ALDH1A2: variants seen among roughly 807,000 people sequenced by gnomAD.
ALDH1A2 encodes aldehyde dehydrogenase 1 family member A2, also known as retinal dehydrogenase 2.
In ALDH1A2, 27 loss-of-function variants were observed where a neutral mutation model predicts 60.3. That is an observed-to-expected ratio of 0.45 (90% confidence interval 0.33 to 0.62). The LOEUF is 0.62. Among genes scored for constraint, ALDH1A2 ranks in the 20% least tolerant of loss-of-function variants. ALDH1A2 has a pLI of 0.02. For missense variants in ALDH1A2, 581 were observed against 643.8 expected, an observed-to-expected ratio of 0.90 and a Z score of 1.06; for synonymous variants, 289 against 232.4, an observed-to-expected ratio of 1.24 and a Z score of -2.21.
Position 57,954,498 on chromosome 15 carries a change from A to C in ALDH1A2, c.*699T>G, listed in dbSNP as rs4646643. On this transcript the variant is annotated 3_prime_UTR_variant, in exon 13 of 13. Coordinates refer to ENST00000249750, the MANE Select transcript of ALDH1A2 (RefSeq NM_003888.4). ...CAAGCTCAGAAGCGGTGAACTGCAC[A>C]TGATGACTTCCAGTCTCTATTGTCC... 6.5e-6 allele frequency: 1 copy of C among 154,622 alleles called. No individual in the cohort carries two copies. 9.6% of individuals were successfully genotyped at this position (154,622 alleles called of 1,614,324 possible).
chr15:58,065,248 C>T (rs1897146950), intron 1 of ALDH1A2: 2 of 442,086 alleles, frequency 4.5e-6, no homozygotes, highest in Non-Finnish European at 8.3e-6. Flanking sequence ...CCGGGAGAAT[C>T]GGACAGAAAC....
rs1308752092 is a variant in ALDH1A2, at chr15:58,028,402, A to C, written c.118-14121T>G. 1.3e-5 allele frequency among the ~76,000 whole-genome samples: 2 copies of C among 152,234 alleles called. 1 individual carries two copies. Among genetic ancestry groups the C allele is most frequent in the African/African-American group, 4.8e-5 (2 of 41,474 alleles). ...CCTTACAAGAGCTCCTGAAAGAAGC[A>C]CTAAACATGGAAAGGAACAACTGGT... is the stretch of plus-strand genomic sequence containing the variant. On this transcript the variant is annotated intron_variant, in intron 1 of 12. Coordinates refer to ENST00000249750, the MANE Select transcript of ALDH1A2 (RefSeq NM_003888.4).
At chr15:58,041,005 T>C (rs1313363369) in intron 1 of ALDH1A2, among the ~76,000 whole-genome samples, 1 of 151,898 alleles carries the variant, frequency 6.6e-6, no homozygotes, top group Non-Finnish European at 1.5e-5. Context: ...CAGTCCTAGA[T>C]ACTAGTATGT....
chr15:58,008,555 TAAAAGA>T (rs1365991876), intron 4 of ALDH1A2, among the ~76,000 whole-genome samples: 1 of 152,106 alleles, frequency 6.6e-6, no homozygotes, highest in Non-Finnish European at 1.5e-5. Flanking sequence ...CCTGAGGAAG[TAAAAGA>T]AAACCAAGGT....
intron 12 of ALDH1A2, among the ~76,000 whole-genome samples, chr15:57,956,230 G>A (rs1268898565): frequency 6.6e-6 from 1 of 152,226 alleles, no homozygotes; most frequent in African/African-American, 2.4e-5. Flanking sequence ...AGGAGGGAAG[G>A]AGGAAGGGCG....
At chr15:58,065,375 C>G in intron 1 of ALDH1A2, 159 bp downstream of exon 1, 9 of 752,080 alleles carry the variant, frequency 1.2e-5, no homozygotes, top group South Asian at 8.6e-5. Context: ...CGCCCCAGTC[C>G]CGAAGACAGG....
chr15:58,039,578 T>C (rs1896462781), intron 1 of ALDH1A2, among the ~76,000 whole-genome samples: 1 of 151,816 alleles, frequency 6.6e-6, no homozygotes, highest in Admixed American at 6.6e-5. Context: ...GCATTAAGCA[T>C]ATATATTTAA....
At chr15:57,991,659 TTAA>T (rs1163262552) in intron 7 of ALDH1A2, 2 of 152,244 alleles carry the variant, frequency 1.3e-5, no homozygotes, top group Admixed American at 6.5e-5. Flanking sequence ...AAATATTGTA[TTAA>T]TAACTTATAG....
At chr15:58,035,420 T>C (rs1270208210) in intron 1 of ALDH1A2, among the ~76,000 whole-genome samples, 1 of 151,240 alleles carries the variant, frequency 6.6e-6, no homozygotes, top group Non-Finnish European at 1.5e-5. Flanking sequence ...ATTGTCTTTA[T>C]TGTTTTCATT....
chr15:58,046,857 G>C (rs1896651490), intron 1 of ALDH1A2, among the ~76,000 whole-genome samples: 1 of 151,986 alleles, frequency 6.6e-6, no homozygotes, highest in Non-Finnish European at 1.5e-5. Context: ...AAGTAGTGGG[G>C]CTGGGATAAG....
intron 6 of ALDH1A2, 23 bp downstream of exon 6, chr15:57,992,922 C>T (rs757560541): frequency 2.5e-6 from 4 of 1,613,916 alleles, no homozygotes; most frequent in Non-Finnish European, 3.4e-6. Flanking sequence ...GTCAGAAGCA[C>T]TCCCGAAGTC....
At chr15:58,013,175 G>A (rs368931116) in intron 3 of ALDH1A2, among the ~76,000 whole-genome samples, 172 of 152,262 alleles carry the variant, frequency 1.1e-3, no homozygotes, top group African/African-American at 3.7e-3. Context: ...TGAGAGGTCC[G>A]TACCATCCCC....
At chr15:58,055,104 T>C (rs1205659066) in intron 1 of ALDH1A2, among the ~76,000 whole-genome samples, 1 of 152,098 alleles carries the variant, frequency 6.6e-6, no homozygotes. Context: ...GTATTGTCTT[T>C]GTAGTGGTTA....
Position 58,065,624 on chromosome 15 carries a change from G to T in ALDH1A2, c.27C>A (p.Pro9=). 6.2e-7 allele frequency: 1 copy of T among 1,606,132 alleles called. No individual in the cohort carries two copies. The highest frequency in any genetic ancestry group is 2.2e-5 in the East Asian group (1 of 44,718). MTSSKIEM[P]GEVKADPAAL... ...CGGCGGGGTCGGCCTTCACCTCGCC[G>T]GGCATCTCTATCTTGCTGGAAGTCA... Residue 9 remains proline (P), a synonymous_variant, in exon 1 of 13, where the codon CCC becomes CCA. Coordinates refer to ENST00000249750, the MANE Select transcript of ALDH1A2 (RefSeq NM_003888.4).
At chr15:57,958,526 G>A (rs1186743084) in intron 12 of ALDH1A2, among the ~76,000 whole-genome samples, 1 of 152,182 alleles carries the variant, frequency 6.6e-6, no homozygotes, top group Non-Finnish European at 1.5e-5. Context: ...GGGAGACCTC[G>A]TGGGCTAGGT....
At chr15:57,963,123 T>G (rs1430475445) in intron 9 of ALDH1A2, among the ~76,000 whole-genome samples, 2 of 152,116 alleles carry the variant, frequency 1.3e-5, no homozygotes, top group African/African-American at 4.8e-5. Flanking sequence ...CTGTCCAGAC[T>G]GGTTCAGGCT....
intron 1 of ALDH1A2, among the ~76,000 whole-genome samples, chr15:58,051,765 A>G (rs1161637803): frequency 6.6e-6 from 1 of 152,136 alleles, no homozygotes; most frequent in Non-Finnish European, 1.5e-5. Context: ...GAAGAACTCC[A>G]GATCTCTTAG....
At chr15:57,956,785 A>G (rs1452170660) in intron 12 of ALDH1A2, among the ~76,000 whole-genome samples, 2 of 151,998 alleles carry the variant, frequency 1.3e-5, no homozygotes, top group Non-Finnish European at 2.9e-5. Context: ...TTTGAAGTGA[A>G]TTTACTCCTT....
intron 4 of ALDH1A2, among the ~76,000 whole-genome samples, chr15:58,007,650 C>G (rs1393061121): frequency 2.6e-5 from 4 of 151,992 alleles, no homozygotes; most frequent in Admixed American, 2.6e-4. Flanking sequence ...ATATTTTATA[C>G]TTTTAAATTC....
Sources: allele counts gnomAD v4.1 joint callset (sites outside exome capture counted in the v4.1 genomes callset), GRCh38; gene constraint gnomAD v4.1.1; transcripts MANE v1.5; gene names NCBI Gene and HGNC (gene_info 2026-07-23, HGNC 2026-07-21).